The following TMEM163 variants were observed in gnomAD, a reference collection of about 807,000 sequenced individuals.
TMEM163 encodes transmembrane protein 163.
TMEM163 carries 17 observed loss-of-function variants against 29.3 expected under a neutral mutation model. That is an observed-to-expected ratio of 0.58 (90% CI 0.40 to 0.87). The LOEUF is 0.87. Ranked by LOEUF, TMEM163 falls within the 40% of genes least tolerant of loss-of-function variation. The pLI is 0.00. For missense variants in TMEM163, 303 were observed against 381.5 expected (o/e 0.79, Z 1.71); for synonymous variants, 157 against 160.6 (o/e 0.98, Z 0.17).
intron 6 of TMEM163, among the ~76,000 whole-genome samples, chr2:134,464,328 G>T (rs1686614789): frequency 6.6e-6 from 1 of 152,134 alleles, no homozygotes; most frequent in African/African-American, 2.4e-5. Context: ...ACATAGTCTT[G>T]GGGGGCTGGC....
At chr2:134,496,551 C>T (rs1431710579) in intron 5 of TMEM163, among the ~76,000 whole-genome samples, 4 of 152,146 alleles carry the variant, frequency 2.6e-5, no homozygotes, top group Admixed American at 1.3e-4. Context: ...ATGGCCACCT[C>T]GCCAGAGCCA....
At chr2:134,467,437 T>C (rs1442131682) in intron 5 of TMEM163, 4 of 152,210 alleles carry the variant, frequency 2.6e-5, no homozygotes, top group African/African-American at 9.7e-5. Context: ...GTTGTGTTGG[T>C]AACATGTGGC....
chr2:134,552,978 T>C (rs901491430), intron 2 of TMEM163, among the ~76,000 whole-genome samples: 6 of 152,144 alleles, frequency 3.9e-5, no homozygotes, highest in African/African-American at 1.2e-4. Flanking sequence ...TATTTTTAAA[T>C]TGGAGGACGT....
At chr2:134,476,683 G>A (rs1686924559) in intron 5 of TMEM163, among the ~76,000 whole-genome samples, 1 of 152,186 alleles carries the variant, frequency 6.6e-6, no homozygotes, top group Non-Finnish European at 1.5e-5. Context: ...CAGAGGCTTA[G>A]AGGTCAGTGG....
chr2:134,531,617 T>C (rs1050694849), intron 4 of TMEM163, among the ~76,000 whole-genome samples: 3 of 152,146 alleles, frequency 2.0e-5, no homozygotes, highest in South Asian at 2.1e-4. Context: ...TTAACTTACA[T>C]TGACTGGTTT....
chr2:134,486,998 T>C (rs12473509), intron 5 of TMEM163, among the ~76,000 whole-genome samples: 17,507 of 152,216 alleles, frequency 0.12, 1,240 homozygotes, highest in South Asian at 0.2. Context: ...TATACATAAC[T>C]AACCAAACAA....
At chr2:134,590,960 C>T (rs1448264212) in intron 2 of TMEM163, among the ~76,000 whole-genome samples, 1 of 152,184 alleles carries the variant, frequency 6.6e-6, no homozygotes, top group Non-Finnish European at 1.5e-5. Context: ...ACACAGGTGA[C>T]TTGCCCAGAC....
intron 4 of TMEM163, among the ~76,000 whole-genome samples, chr2:134,533,906 C>T (rs1680471511): frequency 6.6e-6 from 1 of 152,202 alleles, no homozygotes; most frequent in African/African-American, 2.4e-5. Context: ...TTTCTCAAGT[C>T]TCCTTTGTTG....
chr2:134,491,545 T>C (rs1316043676), intron 5 of TMEM163, among the ~76,000 whole-genome samples: 1 of 152,182 alleles, frequency 6.6e-6, no homozygotes, highest in African/African-American at 2.4e-5. Flanking sequence ...AGACACTCCG[T>C]GGACCAGAAA....
intron 2 of TMEM163, among the ~76,000 whole-genome samples, chr2:134,656,304 C>T (rs966238675): frequency 6.1e-4 from 92 of 151,492 alleles, no homozygotes; most frequent in African/African-American, 1.9e-3. Flanking sequence ...GGGAGTGACC[C>T]GATTTTCCAG....
chr2:134,668,498 T>G (rs556638638), intron 2 of TMEM163, among the ~76,000 whole-genome samples: 13 of 152,026 alleles, frequency 8.6e-5, no homozygotes, highest in African/African-American at 3.1e-4. Context: ...TTTCTTTTCC[T>G]CTTCCACTAG....
chr2:134,674,132 T>C (rs988971929), intron 2 of TMEM163, among the ~76,000 whole-genome samples: 3 of 152,124 alleles, frequency 2.0e-5, no homozygotes, highest in East Asian at 1.9e-4. Flanking sequence ...AACAAACACA[T>C]ACTTTTGTCA....
intron 5 of TMEM163, among the ~76,000 whole-genome samples, chr2:134,472,308 A>G (rs1686821271): frequency 6.6e-6 from 1 of 152,238 alleles, no homozygotes; most frequent in South Asian, 2.1e-4. Flanking sequence ...ATCTAGAGGA[A>G]AAAGACCAAC....
chr2:134,604,282 G>A (rs796823238), intron 2 of TMEM163, among the ~76,000 whole-genome samples: 13 of 152,182 alleles, frequency 8.5e-5, no homozygotes, highest in African/African-American at 3.1e-4. Context: ...ATCTGTGAGG[G>A]GGACGGACTA....
intron 2 of TMEM163, among the ~76,000 whole-genome samples, chr2:134,656,257 G>A (rs1366735493): frequency 2.0e-5 from 3 of 150,908 alleles, no homozygotes; most frequent in South Asian, 2.1e-4. Context: ...ATGGTTCGCC[G>A]CTTTTTAAGC....
chr2:134,637,105 C>G (rs910181800), intron 2 of TMEM163, among the ~76,000 whole-genome samples: 1 of 152,232 alleles, frequency 6.6e-6, no homozygotes, highest in Non-Finnish European at 1.5e-5. Flanking sequence ...GTTCCTCTGT[C>G]TTGACAAATT....
At chr2:134,546,117 A>G (rs1680776535) in intron 4 of TMEM163, among the ~76,000 whole-genome samples, 1 of 152,220 alleles carries the variant, frequency 6.6e-6, no homozygotes, top group Admixed American at 6.5e-5. Flanking sequence ...GAATTATAAA[A>G]TGATGTAACA....
At chr2:134,482,880 C>G (rs1418840991) in intron 5 of TMEM163, among the ~76,000 whole-genome samples, 3 of 152,176 alleles carry the variant, frequency 2.0e-5, no homozygotes, top group East Asian at 1.9e-4. Flanking sequence ...CAAGAGACAT[C>G]AGGTTCGTCG....
chr2:134,626,167 T>C (rs140474339), intron 2 of TMEM163, among the ~76,000 whole-genome samples: 6,506 of 140,814 alleles, frequency 0.046, 503 homozygotes, highest in African/African-American at 0.16. Context: ...TGCAGTGGCA[T>C]GATCTCGGCT....
Sources: gnomAD v4.1 joint callset for allele counts (sites outside exome capture counted in the v4.1 genomes callset) on GRCh38, gnomAD v4.1.1 for gene constraint, MANE v1.5 for transcripts, NCBI Gene and HGNC (gene_info 2026-07-23, HGNC 2026-07-21) for gene names.